DLG1: variants seen among roughly 807,000 people sequenced by gnomAD.
DLG1 encodes the protein discs large MAGUK scaffold protein 1.
DLG1 carries 42 observed loss-of-function variants against 123.4 expected under a neutral mutation model. The observed-to-expected ratio is 0.34, with a 90% CI of 0.27 to 0.44. The LOEUF is 0.44. Ranked by LOEUF, DLG1 falls within the 20% of genes least tolerant of loss-of-function variation. The pLI, the probability that DLG1 is intolerant of heterozygous loss-of-function variation, is 1.00. For missense variants in DLG1, 942 were observed against 1,082.6 expected, an observed-to-expected ratio of 0.87 and a Z score of 1.82; for synonymous variants, 317 against 356.2, an observed-to-expected ratio of 0.89 and a Z score of 1.24.
chr3:197,144,178 T>C (rs1255082632), intron 6 of DLG1, among the ~76,000 whole-genome samples: 2 of 152,224 alleles, frequency 1.3e-5, no homozygotes, highest in Non-Finnish European at 2.9e-5. Flanking sequence ...TGTGACTAGC[T>C]TTGACTAAAA....
intron 20 of DLG1, 33 bp downstream of exon 20, chr3:197,066,671 G>A: frequency 6.6e-7 from 1 of 1,505,684 alleles, no homozygotes; most frequent in African/African-American, 1.4e-5. Context: ...TATTCTTCTA[G>A]AAGGTTATAA....
intron 4 of DLG1, among the ~76,000 whole-genome samples, chr3:197,247,540 G>A (rs1256950451): frequency 6.6e-6 from 1 of 152,084 alleles, no homozygotes; most frequent in African/African-American, 2.4e-5. Context: ...CCTGGGAAAC[G>A]GGACTCTTGT....
rs774306039 is a variant in DLG1 at position 197,069,251 on chromosome 3, G to A, written c.2015C>T (p.Thr672Ile). Residue 672 changes from threonine (T) to isoleucine (I), a missense_variant, in exon 19 of 25, where the codon ACT (threonine) becomes ATT (isoleucine). Coordinates refer to ENST00000667157, the MANE Select transcript of DLG1 (RefSeq NM_001366207.1). ...ACTTTCACTATCGCTGGCATTAGAA[G>A]TTACATGCTCTGAAATTGCAGGACA... ...QETSDADQHV[T>I]SNASDSESSY... The A allele has an allele frequency of 1.4e-5, 23 of 1,586,924 alleles. No individual in the cohort carries two copies. The East Asian group carries it at 2.1e-4, about 14-fold the overall frequency.
chr3:197,225,490 T>C (rs980996405), intron 4 of DLG1, among the ~76,000 whole-genome samples: 13 of 152,198 alleles, frequency 8.5e-5, no homozygotes, highest in African/African-American at 3.1e-4. Flanking sequence ...AGTTTAAATA[T>C]TAAAACTGCC....
At chr3:197,296,159 GT>G (rs1354856049) in intron 3 of DLG1, among the ~76,000 whole-genome samples, 186 bp downstream of exon 3, 3 of 152,280 alleles carry the variant, frequency 2.0e-5, no homozygotes, top group South Asian at 4.1e-4. Flanking sequence ...AATCCTGAAA[GT>G]TTTTTGGTTA....
At chr3:197,163,605 G>A (rs985147287) in intron 5 of DLG1, among the ~76,000 whole-genome samples, 4 of 149,570 alleles carry the variant, frequency 2.7e-5, no homozygotes, top group Non-Finnish European at 5.9e-5. Context: ...TCACTGTAAC[G>A]TCCGCCTCCC....
At chr3:197,069,826 T>C (rs943729752) in intron 18 of DLG1, 2 of 152,020 alleles carry the variant, frequency 1.3e-5, no homozygotes, top group African/African-American at 2.4e-5. Flanking sequence ...GGGAAGGCAC[T>C]GATGGTGGCA....
chr3:197,184,168 T>C (rs891537147), intron 5 of DLG1: 6 of 1,013,476 alleles, frequency 5.9e-6, no homozygotes, highest in African/African-American at 1.7e-5. Flanking sequence ...TGAGGTCGAT[T>C]AGCAGGTAAA....
At chr3:197,262,177 GGGATTAGA>G (rs1193238929) in intron 4 of DLG1, among the ~76,000 whole-genome samples, 3 of 152,134 alleles carry the variant, frequency 2.0e-5, no homozygotes, top group African/African-American at 7.2e-5. Context: ...GAAAGACCAC[GGGATTAGA>G]GGATTAGAGG....
intron 3 of DLG1, among the ~76,000 whole-genome samples, chr3:197,286,217 G>A (rs1260083308): frequency 1.3e-5 from 2 of 152,116 alleles, no homozygotes; most frequent in African/African-American, 2.4e-5. Flanking sequence ...TTGTGTGGGG[G>A]GTGTAGAAGT....
At chr3:197,143,031 T>C (rs990198117) in intron 6 of DLG1, among the ~76,000 whole-genome samples, 6 of 152,268 alleles carry the variant, frequency 3.9e-5, no homozygotes, top group East Asian at 1.9e-4. Flanking sequence ...CAACCTCCGA[T>C]CCTTCTCTGT....
chr3:197,081,408 G>C (rs2149065236), intron 16 of DLG1, among the ~76,000 whole-genome samples: 1 of 152,280 alleles, frequency 6.6e-6, no homozygotes, highest in African/African-American at 2.4e-5. Context: ...CACCATTTCT[G>C]AGTTTAACAG....
At chr3:197,166,678 T>C (rs927524606) in intron 5 of DLG1, among the ~76,000 whole-genome samples, 1 of 151,970 alleles carries the variant, frequency 6.6e-6, no homozygotes, top group African/African-American at 2.4e-5. Context: ...TCATCTGAGG[T>C]CAGGAGTTTG....
chr3:197,188,317 G>A (rs1012057662), intron 5 of DLG1, among the ~76,000 whole-genome samples: 1 of 152,020 alleles, frequency 6.6e-6, no homozygotes, highest in African/African-American at 2.4e-5. Flanking sequence ...ATGTCAACTT[G>A]CTTTTTTCAG....
intron 19 of DLG1, 106 bp from the exon 20 acceptor site, chr3:197,066,860 G>A (rs1739960916): frequency 1.5e-6 from 1 of 673,460 alleles, no homozygotes; most frequent in Non-Finnish European, 2.5e-6. Flanking sequence ...TGAGAAAATG[G>A]CAAAGATATG....
intron 4 of DLG1, among the ~76,000 whole-genome samples, chr3:197,195,016 A>G (rs9868725): frequency 0.99 from 150,899 of 152,142 alleles, 74,835 homozygotes; most frequent in Middle Eastern, 1. Flanking sequence ...GCAGACAATC[A>G]CATTTTTTAT....
chr3:197,298,245 GA>G (rs1441273155), intron 1 of DLG1: 4 of 349,390 alleles, frequency 1.1e-5, no homozygotes, highest in Non-Finnish European at 2.0e-5. Flanking sequence ...CTTCGGGTTG[GA>G]AGGGGGAGGC....
intron 24 of DLG1, among the ~76,000 whole-genome samples, chr3:197,047,841 A>T (rs1724441519): frequency 6.6e-6 from 1 of 152,180 alleles, no homozygotes; most frequent in East Asian, 1.9e-4. Flanking sequence ...CAGGGAAAAA[A>T]GCGCCTTCAC....
At chr3:197,247,314 T>C (rs1028801869) in intron 4 of DLG1, among the ~76,000 whole-genome samples, 3 of 152,026 alleles carry the variant, frequency 2.0e-5, no homozygotes, top group South Asian at 2.1e-4. Flanking sequence ...CAGGATTACA[T>C]GGGGGAGGAA....
Sources: allele counts gnomAD v4.1 joint callset (sites outside exome capture counted in the v4.1 genomes callset), GRCh38; gene constraint gnomAD v4.1.1; transcripts MANE v1.5; gene names NCBI Gene and HGNC (gene_info 2026-07-23, HGNC 2026-07-21).